Variants in CTNNA3 observed in about 807,000 individuals in gnomAD.
CTNNA3 encodes the protein catenin alpha 3, also known as catenin alpha-3.
Under a neutral mutation model 95.7 loss-of-function variants are expected in CTNNA3, and 76 were observed. The ratio of observed to expected loss-of-function variants is 0.79; its 90% confidence interval spans 0.66 to 0.96. The LOEUF is 0.96. CTNNA3 is among the 40% of genes least tolerant of loss of function. The pLI is 0.00. For missense variants in CTNNA3, 1,191 were observed against 1,089.8 expected (o/e 1.09, Z -1.31); for synonymous variants, 431 against 374.4 (o/e 1.15, Z -1.74).
At chr10:67,726,461 ATATGATATAATAT>A (rs1841222640) in intron 1 of CTNNA3, among the ~76,000 whole-genome samples, 2 of 49,784 alleles carry the variant, frequency 4.0e-5, no homozygotes, top group Admixed American at 8.1e-4. Context: ...TATATATGAT[ATATGATATAATAT>A]TATATATTAT....
intron 17 of CTNNA3, among the ~76,000 whole-genome samples, chr10:65,959,442 T>C (rs2077797642): frequency 6.6e-6 from 1 of 152,264 alleles, no homozygotes; most frequent in South Asian, 2.1e-4. Flanking sequence ...CAGTTGGAAA[T>C]GCAGAAATCA....
At chr10:66,756,753 T>C in intron 9 of CTNNA3, among the ~76,000 whole-genome samples, 1 of 152,134 alleles carries the variant, frequency 6.6e-6, no homozygotes, top group East Asian at 1.9e-4. Context: ...CCCACTTCCC[T>C]AAATCAAGTT....
chr10:67,445,471 G>A (rs1846712068), intron 5 of CTNNA3, among the ~76,000 whole-genome samples: 2 of 151,156 alleles, frequency 1.3e-5, no homozygotes, highest in South Asian at 4.2e-4. Flanking sequence ...CCCTTTCTTT[G>A]CCCTTTGCCC....
chr10:67,003,535 T>C (rs1851798879), intron 7 of CTNNA3, among the ~76,000 whole-genome samples: 1 of 152,226 alleles, frequency 6.6e-6, no homozygotes, highest in Non-Finnish European at 1.5e-5. Flanking sequence ...CCTAATCTAT[T>C]CATATACTGA....
chr10:66,778,704 C>T (rs551871394), intron 7 of CTNNA3, among the ~76,000 whole-genome samples: 114 of 152,138 alleles, frequency 7.5e-4, no homozygotes, highest in African/African-American at 2.6e-3. Flanking sequence ...GGGCCGAGTG[C>T]GGTGGCTCAG....
intron 11 of CTNNA3, among the ~76,000 whole-genome samples, chr10:66,471,791 T>C (rs1321396353): frequency 6.6e-6 from 1 of 151,886 alleles, no homozygotes; most frequent in Admixed American, 6.6e-5. Context: ...TTCTGGGTGA[T>C]AAATAAAACG....
intron 7 of CTNNA3, among the ~76,000 whole-genome samples, chr10:66,786,582 T>G (rs541917161): frequency 6.6e-6 from 1 of 152,278 alleles, no homozygotes; most frequent in East Asian, 1.9e-4. Context: ...ACTAGAAAAG[T>G]TTGGCCATTG....
chr10:67,558,147 G>C (rs1280309828), intron 3 of CTNNA3, among the ~76,000 whole-genome samples: 2 of 152,168 alleles, frequency 1.3e-5, no homozygotes, highest in Admixed American at 1.3e-4. Context: ...TCACAGGTAT[G>C]CATCTTTTTT....
chr10:67,280,872 A>G (rs1388199235), intron 5 of CTNNA3, among the ~76,000 whole-genome samples: 1 of 152,160 alleles, frequency 6.6e-6, no homozygotes, highest in African/African-American at 2.4e-5. Context: ...TGAGTCTTAT[A>G]TCTGTGGGAC....
At chr10:66,276,459 C>CA (rs939851132) in intron 13 of CTNNA3, among the ~76,000 whole-genome samples, 2 of 151,582 alleles carry the variant, frequency 1.3e-5, no homozygotes, top group African/African-American at 4.8e-5. Context: ...TGTCTTTTAC[C>CA]AAAAAAAGAT....
intron 7 of CTNNA3, among the ~76,000 whole-genome samples, chr10:66,982,655 T>A (rs911038142): frequency 3.9e-5 from 6 of 152,066 alleles, no homozygotes; most frequent in Non-Finnish European, 7.4e-5. Context: ...TGAGGTTATA[T>A]AAAATAGAAT....
intron 3 of CTNNA3, among the ~76,000 whole-genome samples, chr10:67,544,615 G>C (rs1840783580): frequency 1.3e-5 from 2 of 152,180 alleles, no homozygotes; most frequent in African/African-American, 4.8e-5. Flanking sequence ...TGATCAACCA[G>C]TATACTGGAG....
intron 11 of CTNNA3, among the ~76,000 whole-genome samples, chr10:66,488,710 T>A (rs1184425152): frequency 6.6e-6 from 1 of 152,250 alleles, no homozygotes; most frequent in East Asian, 1.9e-4. Flanking sequence ...TTTAAACAGC[T>A]GTCTAATAGA....
intron 13 of CTNNA3, among the ~76,000 whole-genome samples, chr10:66,197,341 T>C (rs921183215): frequency 7.9e-5 from 6 of 75,724 alleles, no homozygotes; most frequent in African/African-American, 2.7e-4. Context: ...CAAATCTCTA[T>C]CTATCTATCT....
chr10:66,063,411 C>T (rs975039136), intron 15 of CTNNA3, among the ~76,000 whole-genome samples: 3 of 150,584 alleles, frequency 2.0e-5, no homozygotes, highest in Admixed American at 6.7e-5. Flanking sequence ...CTTCTGAAGG[C>T]TTCTCATATT....
chr10:66,685,337 A>G (rs1847244863), intron 9 of CTNNA3, among the ~76,000 whole-genome samples: 5 of 68,890 alleles, frequency 7.3e-5, no homozygotes, highest in African/African-American at 3.6e-4. Context: ...ATATATATAT[A>G]TATATATATA....
chr10:66,601,993 C>A (rs897913511), intron 10 of CTNNA3, among the ~76,000 whole-genome samples: 2 of 151,924 alleles, frequency 1.3e-5, no homozygotes, highest in African/African-American at 4.8e-5. Flanking sequence ...GGGACACTAG[C>A]ATTGTCAGTT....
chr10:67,463,975 C>T (rs1393409975), intron 5 of CTNNA3, among the ~76,000 whole-genome samples: 1 of 152,130 alleles, frequency 6.6e-6, no homozygotes, highest in Non-Finnish European at 1.5e-5. Flanking sequence ...CTCAATTATG[C>T]TCCTACGAAT....
At chr10:66,593,993 T>G (rs1014977475) in intron 10 of CTNNA3, among the ~76,000 whole-genome samples, 1 of 152,108 alleles carries the variant, frequency 6.6e-6, no homozygotes, top group Admixed American at 6.5e-5. Flanking sequence ...CTCCAAGTTT[T>G]CCTGCCTAAA....
Sources: allele counts gnomAD v4.1 joint callset (sites outside exome capture counted in the v4.1 genomes callset), GRCh38; gene constraint gnomAD v4.1.1; transcripts MANE v1.5; gene names NCBI Gene and HGNC (gene_info 2026-07-23, HGNC 2026-07-21).